COA5: variants seen among roughly 807,000 people sequenced by gnomAD.
The protein encoded by COA5 is protein C2orf64.
Under a neutral mutation model 11.8 loss-of-function variants are expected in COA5, and 11 were observed. That is an observed-to-expected ratio of 0.93 (90% CI 0.59 to 1.54). The LOEUF is 1.54. COA5 is among the 40% of genes most tolerant of loss of function. COA5 has a pLI of 0.00. For missense variants in COA5, 87 were observed against 89.2 expected, an observed-to-expected ratio of 0.97 and a Z score of 0.10; for synonymous variants, 38 against 37.5, an observed-to-expected ratio of 1.01 and a Z score of -0.05.
At position 98,603,354 on chromosome 2, in the gene COA5, G is replaced by A. The variant is rs973679055; in HGVS notation, c.183+754C>T. Among the ~76,000 whole-genome samples the A allele has an allele frequency of 3.2e-4, 48 of 152,166 alleles. 2 individuals carry two copies. Among genetic ancestry groups the A allele is most frequent in the Middle Eastern group, 3.4e-3 (1 of 294 alleles). ...AAATTAGCTGGGCACAGTGGCAGGC[G>A]CCTGTAATCCCAGCTACTCAGGAGG... On this transcript the variant is annotated intron_variant, in intron 2 of 2. Transcript: ENST00000328709.
intron 2 of COA5, 74 bp from the exon 3 acceptor site, chr2:98,600,867 T>C (rs1700633800): frequency 1.1e-6 from 1 of 922,432 alleles, no homozygotes; most frequent in Non-Finnish European, 1.7e-6. Flanking sequence ...TTGGTAAGGG[T>C]ATCACCGCAT....
At chr2:98,602,103 T>A (rs962013563) in intron 2 of COA5, among the ~76,000 whole-genome samples, 12 of 151,994 alleles carry the variant, frequency 7.9e-5, no homozygotes, top group South Asian at 2.1e-4. Context: ...GCCATACTTT[T>A]AAAAAAAAAT....
chr2:98,604,295 G>A (rs1700682718), intron 1 of COA5, 104 bp from the exon 2 acceptor site: 5 of 903,202 alleles, frequency 5.5e-6, no homozygotes, highest in Non-Finnish European at 9.1e-6. Context: ...TGTTAAAGGA[G>A]GAAAATAGAA....
In COA5 at chr2:98,599,635, C is replaced by T. The variant is rs940191928; in HGVS notation, c.*1117G>A. 10 of 152,146 alleles carry T rather than the reference C, an allele frequency of 6.6e-5. No homozygotes were observed. The highest frequency in any genetic ancestry group is 1.9e-4 in the African/African-American group (8 of 41,420). The allele number at this position is 152,146 out of a possible 1,614,324, so 9.4% of individuals were successfully genotyped here. On this transcript the variant is annotated 3_prime_UTR_variant, in exon 3 of 3. Coordinates refer to ENST00000328709, the MANE Select transcript of COA5 (RefSeq NM_001008215.3). The stretch of plus-strand genomic sequence containing the variant: ...CGATTGCTTTAACTCCAGTGAACCA[C>T]GGAGGTATAAAGACGCTAGAGTTCT...
At position 98,604,103 on chromosome 2, in the gene COA5, C is replaced by T. The variant is rs1335830567; in HGVS notation, c.183+5G>A. 6.2e-7 allele frequency: 1 copy of T among 1,610,346 alleles called. No homozygotes were observed. Among genetic ancestry groups the T allele is most frequent in the Admixed American group, 1.7e-5 (1 of 60,020 alleles). ...ATAGGCTTTTAAAAATCTTTAACCA[C>T]TTACCACTGATCTTTTACACTCAAA... On this transcript the variant is annotated splice_donor_5th_base_variant and intron_variant, in intron 2 of 2. Transcript: ENST00000328709.
In COA5 at chr2:98,608,334, A is replaced by G. The variant is rs1700741153; in HGVS notation, c.72T>C (p.Cys24=). 6.2e-7 allele frequency: 1 copy of G among 1,608,484 alleles called. No individual in the cohort carries two copies. Among genetic ancestry groups the G allele is most frequent in the Non-Finnish European group, 8.5e-7 (1 of 1,178,358 alleles). ...GGACCACACAGTCCGACTGCAGCAG[A>G]CACGCGCCCAGGTCCTCCTTCAGGC... ...CAGLKEDLGA[C]LLQSDCVVQE... The change falls in exon 1 of 3, where the codon TGT becomes TGC. Residue 24 remains cysteine, a synonymous_variant. Coordinates refer to ENST00000328709, the MANE Select transcript of COA5 (RefSeq NM_001008215.3).
rs576302641 is a variant in COA5 at position 98,607,883 on chromosome 2, T to C, written c.99+424A>G. 1.3e-4 allele frequency among the ~76,000 whole-genome samples: 20 copies of C among 152,346 alleles called. No homozygotes were observed. In the East Asian group the frequency reaches 1.3e-3, roughly 10 times the overall value. On this transcript the variant is annotated intron_variant, in intron 1 of 2. Coordinates refer to ENST00000328709, the MANE Select transcript of COA5 (RefSeq NM_001008215.3). ...CAACACAAGTCAAACTGAGCACACA[T>C]TGTCACAACTGAACAGGCAGGAGAC...
chr2:98,603,688 T>G lies in COA5; in HGVS notation c.183+420A>C, dbSNP rs187390442. On this transcript the variant is annotated intron_variant, in intron 2 of 2. Coordinates refer to ENST00000328709, the MANE Select transcript of COA5 (RefSeq NM_001008215.3). The stretch of plus-strand genomic sequence containing the variant: ...CTCTTTTTAGGCCCTATTTCTACAA[T>G]CCATCCCTCCAAAATTCAAACACAG... Among the ~76,000 whole-genome samples the G allele has an allele frequency of 3.3e-3, 509 of 152,306 alleles. 2 individuals carry two copies. The highest frequency in any genetic ancestry group is 6.2e-3 in the Non-Finnish European group (419 of 68,022).
At chr2:98,600,886 T>A (rs1700634079) in intron 2 of COA5, 93 bp from the exon 3 acceptor site, 2 of 805,046 alleles carry the variant, frequency 2.5e-6, no homozygotes, top group Admixed American at 2.0e-5. Flanking sequence ...ATGAGAGAAA[T>A]AAACCAGTTA....
chr2:98,603,641 A>C (rs913149693), intron 2 of COA5, among the ~76,000 whole-genome samples: 6 of 152,246 alleles, frequency 3.9e-5, no homozygotes, highest in African/African-American at 1.4e-4. Flanking sequence ...GAATGTTAGA[A>C]TGAACCCCAG....
chr2:98,603,161 G>A (rs1292066688), intron 2 of COA5, among the ~76,000 whole-genome samples: 2 of 152,170 alleles, frequency 1.3e-5, no homozygotes, highest in Admixed American at 1.3e-4. Context: ...GAAGGGATTT[G>A]CAGTGTAGTT....
intron 2 of COA5, chr2:98,602,370 T>TA (rs1700652837): frequency 6.6e-6 from 1 of 152,214 alleles, no homozygotes; most frequent in South Asian, 2.1e-4. Context: ...AAAAGGTCCC[T>TA]AAGCTGGTCG....
Position 98,608,422 on chromosome 2 carries a change from C to T in COA5, c.-17G>A. The T allele has an allele frequency of 6.4e-7, 1 of 1,566,646 alleles. No homozygotes were observed. Among genetic ancestry groups the T allele is most frequent in the Non-Finnish European group, 8.7e-7 (1 of 1,154,518 alleles). The stretch of plus-strand genomic sequence containing the variant: ...CTTAGGCATGACGGCGCTTCCCCTC[C>T]GATGCGGACGCGACTTTCTCCCACC... On this transcript the variant is annotated 5_prime_UTR_variant, in exon 1 of 3. Transcript: ENST00000328709.
At position 98,604,152 on chromosome 2, in the gene COA5, A is replaced by T. The variant is rs780976237; in HGVS notation, c.139T>A (p.Cys47Ser). The change falls in exon 2 of 3, where the codon TGC becomes AGC. Residue 47 changes from cysteine (C) to serine (S), a missense_variant. Transcript: ENST00000328709. ...AAAAATGCGTACTTCAAAGAGTTGC[A>T]GTATCCTTCCTTCAAACACTGCCGA... is the stretch of plus-strand genomic sequence containing the variant. ...SPRQCLKEGYCNSLKYAFFEC... is the reference protein window; with the variant it reads ...SPRQCLKEGYSNSLKYAFFEC... 2 of 1,614,026 alleles carry T rather than the reference A, an allele frequency of 1.2e-6. No homozygotes were observed. The highest frequency in any genetic ancestry group is 2.2e-5 in the South Asian group (2 of 91,074).
chr2:98,608,203 G>A (rs1700737834), intron 1 of COA5, 104 bp downstream of exon 1: 1 of 807,684 alleles, frequency 1.2e-6, no homozygotes. Context: ...CTACGCCCGG[G>A]ATGGTTAACT....
rs1244561933 is a variant in COA5 at position 98,608,444 on chromosome 2, C to G, written c.-39G>C. ...CTCCGATGCGGACGCGACTTTCTCCCACCGCAACACTTGCAACCGGGTCGG... is the reference window on the plus strand; with the variant it reads ...CTCCGATGCGGACGCGACTTTCTCCGACCGCAACACTTGCAACCGGGTCGG... On this transcript the variant is annotated 5_prime_UTR_variant, in exon 1 of 3. Transcript: ENST00000328709. 6.8e-7 allele frequency: 1 copy of G among 1,461,736 alleles called. No individual in the cohort carries two copies. Among genetic ancestry groups the G allele is most frequent in the South Asian group, 1.2e-5 (1 of 83,896 alleles). 90.5% of individuals were successfully genotyped at this position (1,461,736 alleles called of 1,614,324 possible).
At chr2:98,607,830 G>T (rs1010789577) in intron 1 of COA5, among the ~76,000 whole-genome samples, 3 of 152,166 alleles carry the variant, frequency 2.0e-5, no homozygotes, top group Admixed American at 6.5e-5. Context: ...AGAATGCAGA[G>T]AACTGTAACT....
At chr2:98,602,798 G>A (rs1037833629) in intron 2 of COA5, among the ~76,000 whole-genome samples, 1 of 152,054 alleles carries the variant, frequency 6.6e-6, no homozygotes, top group Non-Finnish European at 1.5e-5. Context: ...TAGATAAATT[G>A]TAAAAATAAA....
At position 98,604,153 on chromosome 2, in the gene COA5, G is replaced by A. The variant is rs749735013; in HGVS notation, c.138C>T (p.Tyr46=). 18 of 1,613,782 alleles carry A rather than the reference G, an allele frequency of 1.1e-5. No homozygotes were observed. The highest frequency in any genetic ancestry group is 1.4e-5 in the Non-Finnish European group (16 of 1,179,892). Reference sequence around the variant, plus strand: ...AAAATGCGTACTTCAAAGAGTTGCAGTATCCTTCCTTCAAACACTGCCGAG... The same window carrying A: ...AAAATGCGTACTTCAAAGAGTTGCAATATCCTTCCTTCAAACACTGCCGAG... ...KSPRQCLKEG[Y]CNSLKYAFFE... Residue 46 remains tyrosine, a synonymous_variant, in exon 2 of 3, where the codon TAC becomes TAT. Coordinates refer to ENST00000328709, the MANE Select transcript of COA5 (RefSeq NM_001008215.3).
Sources: allele counts gnomAD v4.1 joint callset (sites outside exome capture counted in the v4.1 genomes callset), GRCh38; gene constraint gnomAD v4.1.1; transcripts MANE v1.5; gene names NCBI Gene and HGNC (gene_info 2026-07-23, HGNC 2026-07-21).